The following RIPOR3 variants were observed in gnomAD, a reference collection of about 807,000 sequenced individuals.
RIPOR3 encodes RIPOR family member 3, also known as family with sequence similarity 65 member C.
Under a neutral mutation model 114.3 loss-of-function variants are expected in RIPOR3, and 95 were observed. The ratio of observed to expected loss-of-function variants is 0.83; its 90% CI spans 0.70 to 0.99. The LOEUF (loss-of-function observed/expected upper bound fraction) is 0.99, where lower values mean the gene tolerates loss of function less well. Ranked by LOEUF, RIPOR3 falls within the 50% of genes least tolerant of loss-of-function variation. RIPOR3 has a pLI of 0.00. For missense variants in RIPOR3, 1,252 were observed against 1,266.9 expected, an observed-to-expected ratio of 0.99 and a Z score of 0.18; for synonymous variants, 575 against 543.8, an observed-to-expected ratio of 1.06 and a Z score of -0.80.
intron 13 of RIPOR3, among the ~76,000 whole-genome samples, chr20:50,601,620 C>CT (rs1250581796): frequency 6.6e-6 from 1 of 152,178 alleles, no homozygotes; most frequent in African/African-American, 2.4e-5. Flanking sequence ...CACCTGCCAC[C>CT]TAAGCCCTCC....
At chr20:50,607,233 CA>C (rs2083755748) in intron 11 of RIPOR3, among the ~76,000 whole-genome samples, 1 of 152,136 alleles carries the variant, frequency 6.6e-6, no homozygotes, top group African/African-American at 2.4e-5. Flanking sequence ...ACACTCGGTT[CA>C]GACCCCTTGT....
chr20:50,636,484 T>TG, intron 1 of RIPOR3: 1 of 936,978 alleles, frequency 1.1e-6, no homozygotes, highest in East Asian at 1.2e-4. Flanking sequence ...AGGGCAGCCC[T>TG]GGGTAACCAG....
intron 1 of RIPOR3, among the ~76,000 whole-genome samples, chr20:50,669,227 C>T (rs958093415): frequency 6.6e-6 from 1 of 152,186 alleles, no homozygotes; most frequent in African/African-American, 2.4e-5. Context: ...TCTGGATCCC[C>T]TTACCCAACC....
intron 1 of RIPOR3, among the ~76,000 whole-genome samples, chr20:50,666,516 G>A (rs968706812): frequency 6.0e-5 from 9 of 150,994 alleles, no homozygotes; most frequent in Admixed American, 5.3e-4. Context: ...GAGTCACCAC[G>A]CCCAGCCTAG....
At chr20:50,674,157 C>T (rs1273701619) in intron 1 of RIPOR3, among the ~76,000 whole-genome samples, 4 of 152,098 alleles carry the variant, frequency 2.6e-5, no homozygotes, top group Non-Finnish European at 5.9e-5. Flanking sequence ...CAGGAAAGAG[C>T]ATATGTCTGA....
rs142758479 is a variant in RIPOR3 at position 50,603,906 on chromosome 20, G to A, written c.1086+739C>T. ...GAAATTGAAGTCCAGAGAGGGCTGG[G>A]CACGGTGGCTCATGCCTGTAATCCC... is the stretch of plus-strand genomic sequence containing the variant. On this transcript the variant is annotated intron_variant, in intron 12 of 21. Transcript: ENST00000327979. Among the ~76,000 whole-genome samples the A allele has an allele frequency of 9.5e-4, 144 of 152,322 alleles. 2 individuals carry two copies. The East Asian group carries it at 0.026, about 27-fold the overall frequency.
intron 4 of RIPOR3, among the ~76,000 whole-genome samples, chr20:50,611,719 C>G (rs2083985889): frequency 6.6e-6 from 1 of 152,142 alleles, no homozygotes; most frequent in Non-Finnish European, 1.5e-5. Flanking sequence ...GCGACCAACA[C>G]AAATAATATA....
At chr20:50,664,079 A>T (rs182637756) in intron 1 of RIPOR3, among the ~76,000 whole-genome samples, 1 of 152,078 alleles carries the variant, frequency 6.6e-6, no homozygotes, top group Non-Finnish European at 1.5e-5. Context: ...GGCTCTCGCC[A>T]CTACACCTGG....
At chr20:50,689,376 A>G (rs1478979758) in intron 1 of RIPOR3, among the ~76,000 whole-genome samples, 1 of 152,016 alleles carries the variant, frequency 6.6e-6, no homozygotes, top group African/African-American at 2.4e-5. Flanking sequence ...AGGTTTCACC[A>G]TGTTGGCCAG....
At chr20:50,607,850 TGAG>T (rs1231538457) in intron 11 of RIPOR3, among the ~76,000 whole-genome samples, 2 of 152,038 alleles carry the variant, frequency 1.3e-5, no homozygotes, top group African/African-American at 2.4e-5. Flanking sequence ...GCCTCTGCGC[TGAG>T]GAGGAGGAAA....
chr20:50,683,908 CTG>C (rs1166737648), intron 1 of RIPOR3, among the ~76,000 whole-genome samples: 1 of 152,010 alleles, frequency 6.6e-6, no homozygotes, highest in Non-Finnish European at 1.5e-5. Flanking sequence ...TAGCAAAACC[CTG>C]TCTCTACTAA....
At chr20:50,607,070 C>T (rs987597528) in intron 11 of RIPOR3, among the ~76,000 whole-genome samples, 3 of 152,180 alleles carry the variant, frequency 2.0e-5, no homozygotes, top group African/African-American at 4.8e-5. Context: ...TTCATTCCTG[C>T]GTTTCATTCC....
At chr20:50,600,899 G>A (rs2083470514) in intron 13 of RIPOR3, among the ~76,000 whole-genome samples, 1 of 152,230 alleles carries the variant, frequency 6.6e-6, no homozygotes, top group East Asian at 1.9e-4. Context: ...TGTAAAATGA[G>A]AAATTAAACT....
At chr20:50,650,455 A>T (rs146694943) in intron 1 of RIPOR3, among the ~76,000 whole-genome samples, 2,760 of 152,178 alleles carry the variant, frequency 0.018, 96 homozygotes, top group African/African-American at 0.063. Context: ...GGTGTGCACC[A>T]CCACACCTGG....
Position 50,629,502 on chromosome 20 carries a change from C to T in RIPOR3, c.122+1236G>A, listed in dbSNP as rs372487633. Among the ~76,000 whole-genome samples the T allele has an allele frequency of 9.1e-4, 139 of 152,292 alleles. 2 individuals are homozygous for T. In the South Asian group the frequency reaches 0.016, roughly 18 times the overall value. The stretch of plus-strand genomic sequence containing the variant: ...TGTGGCCTCCAGAAGCAGAAACAAC[C>T]TTCCTCCCAGGGACTTAGTACCTAA... On this transcript the variant is annotated intron_variant, in intron 2 of 21. Coordinates refer to ENST00000327979, the MANE Select transcript of RIPOR3 (RefSeq NM_001290268.2).
intron 15 of RIPOR3, 79 bp from the exon 16 acceptor site, chr20:50,595,583 T>A: frequency 6.4e-7 from 1 of 1,564,916 alleles, no homozygotes; most frequent in Non-Finnish European, 8.7e-7. Flanking sequence ...GGCTCCCACC[T>A]GCTTGTGCCC....
intron 19 of RIPOR3, chr20:50,589,979 T>G (rs542834572): frequency 2.0e-6 from 1 of 508,050 alleles, no homozygotes; most frequent in African/African-American, 1.9e-5. Context: ...TAAAAACAGA[T>G]GCCAGGGCTA....
At chr20:50,655,611 C>G (rs1296680493) in intron 1 of RIPOR3, among the ~76,000 whole-genome samples, 1 of 152,004 alleles carries the variant, frequency 6.6e-6, no homozygotes, top group African/African-American at 2.4e-5. Context: ...CTGCATCGAT[C>G]TAGCAGAGTT....
At chr20:50,592,926 C>T (rs571609130) in intron 18 of RIPOR3, 109 bp downstream of exon 18, 5 of 1,372,778 alleles carry the variant, frequency 3.6e-6, no homozygotes, top group Non-Finnish European at 5.0e-6. Context: ...CCCAAAAGAA[C>T]AGTTGGCGGG....
Sources: allele counts gnomAD v4.1 joint callset (sites outside exome capture counted in the v4.1 genomes callset), GRCh38; gene constraint gnomAD v4.1.1; transcripts MANE v1.5; gene names NCBI Gene and HGNC (gene_info 2026-07-23, HGNC 2026-07-21).